SP3: variants seen among roughly 807,000 people sequenced by gnomAD.
The protein encoded by SP3 is transcription factor Sp3.
A neutral mutation model predicts 70.3 loss-of-function variants in SP3; 10 were observed. That is an observed-to-expected ratio of 0.14 (90% CI 0.09 to 0.24). The LOEUF is 0.24. Ranked by LOEUF, SP3 falls within the 10% of genes least tolerant of loss-of-function variation. The pLI is 1.00. For synonymous variants in SP3, 402 were observed against 333.5 expected, an observed-to-expected ratio of 1.21 and a Z score of -2.24; for missense variants, 825 against 914.6, an observed-to-expected ratio of 0.90 and a Z score of 1.26.
intron 4 of SP3, among the ~76,000 whole-genome samples, chr2:173,921,431 G>A (rs1689751081): frequency 6.6e-6 from 1 of 152,190 alleles, no homozygotes; most frequent in South Asian, 2.1e-4. Context: ...GCTCATGCCT[G>A]TAATATCAGC....
rs1246344834 is a variant in SP3, at chr2:173,903,911, G to C, written c.*6030C>G. Reference sequence around the variant, plus strand: ...TGGCAGGCAATAAACGTGACTTTTTGTTGGTATTTCCTAGGACGGCGGTCC... The same window carrying C: ...TGGCAGGCAATAAACGTGACTTTTTCTTGGTATTTCCTAGGACGGCGGTCC... On this transcript the variant is annotated 3_prime_UTR_variant, in exon 7 of 7. Transcript: ENST00000310015. 6.7e-6 allele frequency among the ~76,000 whole-genome samples: 1 copy of C among 150,168 alleles called. No individual in the cohort carries two copies. The highest frequency in any genetic ancestry group is 1.5e-5 in the Non-Finnish European group (1 of 67,660).
intron 6 of SP3, among the ~76,000 whole-genome samples, chr2:173,912,685 A>G (rs185259812): frequency 1.5e-3 from 233 of 152,324 alleles, no homozygotes; most frequent in Non-Finnish European, 2.6e-3. Flanking sequence ...AAATGCCCAA[A>G]TATGTCAGAA....
rs2105460455 is a variant in SP3 at position 173,919,529 on chromosome 2, T to C, written c.1640-744A>G. On this transcript the variant is annotated intron_variant, in intron 4 of 6. Coordinates refer to ENST00000310015, the MANE Select transcript of SP3 (RefSeq NM_003111.5). Reference sequence around the variant, plus strand: ...GTCCTACATGGTGGCTAGTTATTCTTAGAAATCCACTATTTATAAGGCTCA... The same window carrying C: ...GTCCTACATGGTGGCTAGTTATTCTCAGAAATCCACTATTTATAAGGCTCA... Among the ~76,000 whole-genome samples, 2 of 152,290 alleles carry C rather than the reference T, an allele frequency of 1.3e-5. 1 individual carries two copies. The highest frequency in any genetic ancestry group is 4.1e-4 in the South Asian group (2 of 4,820).
At chr2:173,910,324 CA>C in intron 6 of SP3, 67 bp from the exon 7 acceptor site, 1 of 1,384,762 alleles carries the variant, frequency 7.2e-7, no homozygotes, top group Non-Finnish European at 1.0e-6. Context: ...TCATCTCCCC[CA>C]AAACAGAAAG....
intron 4 of SP3, among the ~76,000 whole-genome samples, chr2:173,946,597 C>T (rs1487353598): frequency 6.6e-6 from 1 of 152,080 alleles, no homozygotes; most frequent in Non-Finnish European, 1.5e-5. Context: ...CTTCACTAAA[C>T]TCTGAATCTT....
rs1220606710 is a variant in SP3, at chr2:173,905,241, A to G, written c.*4700T>C. On this transcript the variant is annotated 3_prime_UTR_variant, in exon 7 of 7. Coordinates refer to ENST00000310015, the MANE Select transcript of SP3 (RefSeq NM_003111.5). ...ATTCTAAAACACTTCACTACAGAAA[A>G]ATGGAATCTCCAGAGTTAAGGGGGG... 6.6e-6 allele frequency among the ~76,000 whole-genome samples: 1 copy of G among 152,224 alleles called. No homozygotes were observed. Among genetic ancestry groups the G allele is most frequent in the African/African-American group, 2.4e-5 (1 of 41,458 alleles).
chr2:173,928,343 G>A lies in SP3; in HGVS notation c.1640-9558C>T, dbSNP rs557277909. ...AGTCAGAGCAGCCCCATTAATATTAGTTTTATACACTGGAGTTCTGCCTAA... is the reference window on the plus strand; with the variant it reads ...AGTCAGAGCAGCCCCATTAATATTAATTTTATACACTGGAGTTCTGCCTAA... On this transcript the variant is annotated intron_variant, in intron 4 of 6. Transcript: ENST00000310015. Among the ~76,000 whole-genome samples, 4 of 152,270 alleles carry A rather than the reference G, an allele frequency of 2.6e-5. No individual in the cohort carries two copies. In the East Asian group the frequency reaches 7.7e-4, roughly 29 times the overall value.
At chr2:173,934,248 A>G (rs76381971) in intron 4 of SP3, among the ~76,000 whole-genome samples, 4 of 151,980 alleles carry the variant, frequency 2.6e-5, no homozygotes, top group Non-Finnish European at 5.9e-5. Context: ...AAAAAAAAAA[A>G]GAGCAAACAC....
In SP3 at chr2:173,903,441, T is replaced by C. The variant is rs12477091; in HGVS notation, c.*6500A>G. Among the ~76,000 whole-genome samples, 18,847 of 152,226 alleles carry C rather than the reference T, an allele frequency of 0.12. 1,556 individuals are homozygous for C. The highest frequency in any genetic ancestry group is 0.18 in the Non-Finnish European group (11,968 of 67,996). On this transcript the variant is annotated 3_prime_UTR_variant, in exon 7 of 7. Transcript: ENST00000310015. ...AAACCTATGCACTTAATCACTATAT[T>C]ATGCTATGAAAGGTTTCAACTTTAC...
At chr2:173,964,734 C>A in intron 1 of SP3, 181 bp from the exon 2 acceptor site, 1 of 374,930 alleles carries the variant, frequency 2.7e-6, no homozygotes, top group Non-Finnish European at 4.8e-6. Context: ...CTGCTGCCCC[C>A]GCCCGCCGCT....
At chr2:173,921,081 C>T (rs1689739022) in intron 4 of SP3, among the ~76,000 whole-genome samples, 1 of 151,976 alleles carries the variant, frequency 6.6e-6, no homozygotes, top group Non-Finnish European at 1.5e-5. Flanking sequence ...AAGTTATATA[C>T]ATTTGATCTC....
chr2:173,960,562 A>G (rs1691036187), intron 3 of SP3, among the ~76,000 whole-genome samples: 1 of 152,252 alleles, frequency 6.6e-6, no homozygotes, highest in South Asian at 2.1e-4. Flanking sequence ...TAATGGCAAA[A>G]TAACTTTTTT....
At chr2:173,949,330 T>C (rs1273818195) in intron 4 of SP3, among the ~76,000 whole-genome samples, 2 of 148,322 alleles carry the variant, frequency 1.3e-5, no homozygotes, top group African/African-American at 5.0e-5. Flanking sequence ...ATGTAGAAAA[T>C]ACTTTATTCA....
chr2:173,965,117 A>G (rs576396434), intron 1 of SP3, 48 bp downstream of exon 1: 24 of 1,542,314 alleles, frequency 1.6e-5, no homozygotes, highest in African/African-American at 7.0e-5. Context: ...GGTCGGCGGC[A>G]GCGGCGGCGG....
chr2:173,939,596 T>C (rs1690301121), intron 4 of SP3, among the ~76,000 whole-genome samples: 1 of 151,806 alleles, frequency 6.6e-6, no homozygotes, highest in Non-Finnish European at 1.5e-5. Context: ...AAACACTGTC[T>C]CTACTAAAAA....
chr2:173,907,454 A>C lies in SP3; in HGVS notation c.*2487T>G, dbSNP rs1480765763. 6.6e-6 allele frequency: 1 copy of C among 152,134 alleles called. No homozygotes were observed. The highest frequency in any genetic ancestry group is 1.5e-5 in the Non-Finnish European group (1 of 67,962). 9.4% of individuals were successfully genotyped at this position (152,134 alleles called of 1,614,324 possible). On this transcript the variant is annotated 3_prime_UTR_variant, in exon 7 of 7. Transcript: ENST00000310015. ...TACACTGAGGTTACATAACTTTGGT[A>C]AAAGTTCCAAAGTTCACTAATATAT... is the stretch of plus-strand genomic sequence containing the variant.
Position 173,907,530 on chromosome 2 carries a change from A to G in SP3, c.*2411T>C, listed in dbSNP as rs568454337. 59 of 152,240 alleles carry G rather than the reference A, an allele frequency of 3.9e-4. No individual in the cohort carries two copies. The highest frequency in any genetic ancestry group is 1.3e-3 in the African/African-American group (56 of 41,562). The allele number at this position is 152,240 out of a possible 1,614,324, so 9.4% of individuals were successfully genotyped here. On this transcript the variant is annotated 3_prime_UTR_variant, in exon 7 of 7. Coordinates refer to ENST00000310015, the MANE Select transcript of SP3 (RefSeq NM_003111.5). The stretch of plus-strand genomic sequence containing the variant: ...CAACTTTATTTAAATAATTTTCAAG[A>G]CTACTTACTTTCTTCATTGCATTCA...
intron 4 of SP3, among the ~76,000 whole-genome samples, chr2:173,951,863 C>T (rs982639244): frequency 6.6e-6 from 1 of 152,084 alleles, no homozygotes; most frequent in Non-Finnish European, 1.5e-5. Context: ...TGAAAACTGC[C>T]GGTTCACTGA....
chr2:173,918,552 T>G, intron 5 of SP3, 41 bp downstream of exon 5: 1 of 1,565,020 alleles, frequency 6.4e-7, no homozygotes, highest in Non-Finnish European at 8.7e-7. Flanking sequence ...AGAATGATAT[T>G]AGCACTCTTA....
Sources: allele counts gnomAD v4.1 joint callset (sites outside exome capture counted in the v4.1 genomes callset), GRCh38; gene constraint gnomAD v4.1.1; transcripts MANE v1.5; gene names NCBI Gene and HGNC (gene_info 2026-07-23, HGNC 2026-07-21).